The following TAMM41 variants were observed in gnomAD, a reference collection of about 807,000 sequenced individuals.
TAMM41 encodes the protein TAM41 mitochondrial translocator assembly and maintenance homolog, also known as phosphatidate cytidylyltransferase, mitochondrial.
A neutral mutation model predicts 44.1 loss-of-function variants in TAMM41; 36 were observed. That is an observed-to-expected ratio of 0.82 (90% confidence interval 0.63 to 1.08). TAMM41 has a LOEUF of 1.08. Among genes scored for constraint, TAMM41 ranks in the 50% least tolerant of loss-of-function variants. The pLI, the probability that TAMM41 is intolerant of heterozygous loss-of-function variation, is 0.00. For synonymous variants in TAMM41, 164 were observed against 153.1 expected, an observed-to-expected ratio of 1.07 and a Z score of -0.53; for missense variants, 417 against 404.3, an observed-to-expected ratio of 1.03 and a Z score of -0.27.
intron 2 of TAMM41, among the ~76,000 whole-genome samples, chr3:11,842,388 C>G (rs1369930862): frequency 5.5e-5 from 4 of 72,848 alleles, no homozygotes; most frequent in Non-Finnish European, 1.1e-4. Flanking sequence ...GAACAAAACT[C>G]CATCTCAAAA....
chr3:11,770,750 G>A, the TAMM41 span, among the ~76,000 whole-genome samples: 9 of 152,170 alleles, frequency 5.9e-5, no homozygotes, highest in South Asian at 4.1e-4. Flanking sequence ...AAGTACGAGC[G>A]ACAGCCTACC....
chr3:11,728,783 C>T, the TAMM41 span, among the ~76,000 whole-genome samples: 3 of 152,212 alleles, frequency 2.0e-5, no homozygotes, highest in South Asian at 4.2e-4. Context: ...CCGAGGCGGG[C>T]GGATCACCTG....
At chr3:11,733,494 G>A in the TAMM41 span, among the ~76,000 whole-genome samples, 1 of 150,816 alleles carries the variant, frequency 6.6e-6, no homozygotes, top group Non-Finnish European at 1.5e-5. Context: ...GGGGTGTCCT[G>A]AGATTTTTTT....
the TAMM41 span, among the ~76,000 whole-genome samples, chr3:11,764,090 A>C: frequency 6.6e-6 from 1 of 151,708 alleles, no homozygotes; most frequent in African/African-American, 2.4e-5. Context: ...TGAAGGCTCT[A>C]CCTCCCAGGC....
At chr3:11,845,023 A>G (rs1266643617) in intron 1 of TAMM41, 1 of 456,194 alleles carries the variant, frequency 2.2e-6, no homozygotes, top group Non-Finnish European at 4.4e-6. Context: ...AGGGAAGGGT[A>G]GGGAGCCGTG....
intron 6 of TAMM41, chr3:11,808,106 G>T: frequency 9.2e-7 from 1 of 1,081,488 alleles, no homozygotes; most frequent in Non-Finnish European, 1.3e-6. Flanking sequence ...CCACCCGGCT[G>T]TGTGAGTCCA....
the TAMM41 span, among the ~76,000 whole-genome samples, chr3:11,770,776 T>C: frequency 6.6e-6 from 1 of 152,112 alleles, no homozygotes; most frequent in Admixed American, 6.6e-5. Context: ...CCTTCAAGCA[T>C]GGGGGCAGGG....
At chr3:11,778,936 G>A in the TAMM41 span, among the ~76,000 whole-genome samples, 9 of 151,928 alleles carry the variant, frequency 5.9e-5, no homozygotes, top group African/African-American at 9.7e-5. Context: ...TTTTGAGGGC[G>A]TCTGCTATGC....
At chr3:11,844,237 T>A in intron 1 of TAMM41, 26 bp from the exon 2 acceptor site, 1 of 1,605,420 alleles carries the variant, frequency 6.2e-7, no homozygotes, top group Non-Finnish European at 8.5e-7. Flanking sequence ...AAGAGAATAA[T>A]TTCAGTATTA....
intron 7 of TAMM41, among the ~76,000 whole-genome samples, chr3:11,791,071 G>C (rs1379811853): frequency 6.6e-6 from 1 of 152,202 alleles, no homozygotes; most frequent in Non-Finnish European, 1.5e-5. Flanking sequence ...TCTAGGAAGT[G>C]CTTCCCTGGA....
intron 1 of TAMM41, chr3:11,844,886 C>T (rs763957562): frequency 2.2e-6 from 1 of 456,114 alleles, no homozygotes; most frequent in Non-Finnish European, 4.4e-6. Context: ...GCAAAATGTA[C>T]TAACTGCACT....
chr3:11,729,469 C>T, the TAMM41 span, among the ~76,000 whole-genome samples: 1 of 146,776 alleles, frequency 6.8e-6, no homozygotes, highest in Non-Finnish European at 1.5e-5. Flanking sequence ...GAGTGAAATT[C>T]TTCCAACTGG....
the TAMM41 span, among the ~76,000 whole-genome samples, chr3:11,734,494 C>A: frequency 6.6e-6 from 1 of 152,106 alleles, no homozygotes; most frequent in East Asian, 1.9e-4. Context: ...GTCATATGGG[C>A]CCTTCACTGC....
chr3:11,774,387 A>T, the TAMM41 span, among the ~76,000 whole-genome samples: 1 of 152,158 alleles, frequency 6.6e-6, no homozygotes, highest in African/African-American at 2.4e-5. Flanking sequence ...GCTGACAGGG[A>T]GGCTCTCCAG....
At chr3:11,826,255 C>T (rs2078743205) in intron 4 of TAMM41, among the ~76,000 whole-genome samples, 1 of 152,156 alleles carries the variant, frequency 6.6e-6, no homozygotes, top group African/African-American at 2.4e-5. Context: ...TGGAGGCAGC[C>T]AGGCGCAGTG....
At chr3:11,747,188 G>T in the TAMM41 span, among the ~76,000 whole-genome samples, 1 of 152,004 alleles carries the variant, frequency 6.6e-6, no homozygotes, top group African/African-American at 2.4e-5. Flanking sequence ...TCAGCCTCCC[G>T]AGTAGCTGGG....
At chr3:11,791,133 C>G (rs965694097) in intron 7 of TAMM41, among the ~76,000 whole-genome samples, 9 of 152,208 alleles carry the variant, frequency 5.9e-5, no homozygotes, top group African/African-American at 2.2e-4. Flanking sequence ...CTGTGCAGTA[C>G]GTGTGGGCCG....
At chr3:11,772,077 T>C in the TAMM41 span, among the ~76,000 whole-genome samples, 6 of 147,094 alleles carry the variant, frequency 4.1e-5, no homozygotes, top group East Asian at 6.1e-4. Context: ...TTTTCTTTTT[T>C]TCTTTTTTTT....
At chr3:11,771,745 G>C in the TAMM41 span, among the ~76,000 whole-genome samples, 1 of 151,928 alleles carries the variant, frequency 6.6e-6, no homozygotes, top group Non-Finnish European at 1.5e-5. Flanking sequence ...ACCACGCCCG[G>C]CTAATTTTTG....
Sources: allele counts gnomAD v4.1 joint callset (sites outside exome capture counted in the v4.1 genomes callset), GRCh38; gene constraint gnomAD v4.1.1; transcripts MANE v1.5; gene names NCBI Gene and HGNC (gene_info 2026-07-23, HGNC 2026-07-21).